Variants in CACNA1I observed in about 807,000 individuals in gnomAD.
CACNA1I encodes the protein voltage-dependent T-type calcium channel subunit alpha-1I.
In CACNA1I, 74 loss-of-function variants were observed where a neutral mutation model predicts 201.6. That is an observed-to-expected ratio of 0.37 (90% CI 0.30 to 0.45). The LOEUF is 0.45. CACNA1I is among the 20% of genes least tolerant of loss of function. The pLI, the probability that CACNA1I is intolerant of heterozygous loss-of-function variation, is 1.00. For missense variants in CACNA1I, 2,346 were observed against 3,138.1 expected, an observed-to-expected ratio of 0.75 and a Z score of 6.03; for synonymous variants, 1,431 against 1,345.2, an observed-to-expected ratio of 1.06 and a Z score of -1.40.
At chr22:39,670,649 G>C (rs1368639109) in intron 25 of CACNA1I, among the ~76,000 whole-genome samples, 154 bp from the exon 26 acceptor site, 1 of 151,990 alleles carries the variant, frequency 6.6e-6, no homozygotes, top group East Asian at 1.9e-4. Context: ...GCTGGGTGGA[G>C]GAGATCTAAC....
chr22:39,610,844 C>G (rs1933367117), intron 3 of CACNA1I, among the ~76,000 whole-genome samples: 1 of 152,190 alleles, frequency 6.6e-6, no homozygotes, highest in Non-Finnish European at 1.5e-5. Flanking sequence ...CCAGTTCAGA[C>G]ACACCTTTCC....
intron 32 of CACNA1I, 44 bp from the exon 33 acceptor site, chr22:39,679,678 G>C: frequency 6.2e-6 from 9 of 1,455,294 alleles, no homozygotes; most frequent in Non-Finnish European, 6.6e-6. Flanking sequence ...CCCGGGACCC[G>C]GCTGATAATC....
chr22:39,670,774 C>T (rs774679987), intron 25 of CACNA1I, 29 bp from the exon 26 acceptor site: 1 of 1,613,242 alleles, frequency 6.2e-7, no homozygotes, highest in Non-Finnish European at 8.5e-7. Context: ...CCTCTGTGGT[C>T]TTTGCCACTC....
At chr22:39,645,147 C>T (rs976742855) in intron 7 of CACNA1I, among the ~76,000 whole-genome samples, 12 of 151,278 alleles carry the variant, frequency 7.9e-5, no homozygotes, top group Middle Eastern at 3.2e-3. Flanking sequence ...CCACCATGCC[C>T]GGCTAATTTT....
chr22:39,682,792 G>T, intron 35 of CACNA1I, 131 bp downstream of exon 35: 1 of 715,598 alleles, frequency 1.4e-6, no homozygotes. Context: ...GAACCAGATG[G>T]ATATCTGACA....
At chr22:39,621,816 C>T (rs926262234) in intron 4 of CACNA1I, among the ~76,000 whole-genome samples, 1 of 152,040 alleles carries the variant, frequency 6.6e-6, no homozygotes. Flanking sequence ...CCCCTTCCCA[C>T]TGCCCTAGGG....
chr22:39,598,520 C>A (rs970103384), intron 2 of CACNA1I, among the ~76,000 whole-genome samples: 1 of 152,124 alleles, frequency 6.6e-6, no homozygotes, highest in South Asian at 2.1e-4. Context: ...TCCTCTCTTC[C>A]CTTTATCTCT....
At position 39,661,188 on chromosome 22, in the gene CACNA1I, G is replaced by C. The variant is rs1172889974; in HGVS notation, c.2779G>C (p.Ala927Pro). Residue 927 changes from alanine to proline, a missense_variant, in exon 16 of 37, where the codon GCT (alanine) becomes CCT (proline). Physicochemically the swap from Ala to Pro is conservative, Grantham distance 27. Around this residue, in one of 13 missense-constraint regions of CACNA1I, gnomAD observed 92 missense variants for 114.5 expected, o/e 0.80. Transcript: ENST00000402142. ...SLPLGGHLGP[A>P]GAAGPAPRLS... ...CCCACTGGGTGGGCACCTAGGTCCT[G>C]CTGGGGCTGCGGGACCTGCCCCCCG... is the stretch of plus-strand genomic sequence containing the variant. The C allele has an allele frequency of 3.1e-6, 5 of 1,612,708 alleles. No individual in the cohort carries two copies. Among genetic ancestry groups the C allele is most frequent in the South Asian group, 2.2e-5 (2 of 90,970 alleles).
intron 32 of CACNA1I, 123 bp from the exon 33 acceptor site, chr22:39,679,599 G>C: frequency 9.2e-7 from 1 of 1,091,100 alleles, no homozygotes; most frequent in Non-Finnish European, 1.3e-6. Context: ...TGTGATGAGG[G>C]GGTCGGTCCC....
Position 39,679,418 on chromosome 22 carries a change from G to T in CACNA1I, c.5367G>T (p.Leu1789Phe). 5 of 1,431,260 alleles carry T rather than the reference G, an allele frequency of 3.5e-6. No individual in the cohort carries two copies. The highest frequency in any genetic ancestry group is 4.5e-6 in the Non-Finnish European group (5 of 1,105,356). 88.7% of individuals were successfully genotyped at this position (1,431,260 alleles called of 1,614,324 possible). ...GCGGGGGCGACACCGAGGGCGGCTT[G>T]TGCCGGCGCTGCTACTCGCCTGCCC... Reference protein sequence around the residue: ...AGGGGDTEGGLCRRCYSPAQE... With the variant: ...AGGGGDTEGGFCRRCYSPAQE... Residue 1789 changes from leucine to phenylalanine, a missense_variant, in exon 32 of 37, where the codon TTG becomes TTT. Leu to Phe is a conservative substitution (Grantham distance 22, BLOSUM62 0). This residue lies in a region of CACNA1I where 441 missense variants were observed against 555.6 expected (regional missense o/e 0.79). Transcript: ENST00000402142.
chr22:39,594,770 C>T (rs5750854), intron 1 of CACNA1I, among the ~76,000 whole-genome samples: 33,418 of 151,938 alleles, frequency 0.22, 3,870 homozygotes, highest in South Asian at 0.29. Context: ...TGCTTGGAGA[C>T]ACTCCTGAGT....
chr22:39,599,618 C>CAAA (rs71197187), intron 2 of CACNA1I, among the ~76,000 whole-genome samples: 2 of 64,316 alleles, frequency 3.1e-5, no homozygotes, highest in Non-Finnish European at 5.6e-5. Flanking sequence ...GACTCCGTCT[C>CAAA]AAAAAAAAAA....
chr22:39,664,217 G>T lies in CACNA1I; in HGVS notation c.3666+58G>T, dbSNP rs1935112701. ...GCCCCAGCTCGGGCCCCTGGCCCTG[G>T]GTCAGCCCCTGCCTCAGCTTGTCAC... On this transcript the variant is annotated intron_variant, in intron 20 of 36. Coordinates refer to ENST00000402142, the MANE Select transcript of CACNA1I (RefSeq NM_021096.4). The T allele has an allele frequency of 6.4e-6, 9 of 1,408,662 alleles. No homozygotes were observed. In the Admixed American group the frequency reaches 1.1e-4, roughly 17 times the overall value. 87.3% of individuals were successfully genotyped at this position (1,408,662 alleles called of 1,614,324 possible).
chr22:39,604,063 C>A (rs566355554), intron 3 of CACNA1I, among the ~76,000 whole-genome samples: 1 of 152,066 alleles, frequency 6.6e-6, no homozygotes, highest in Non-Finnish European at 1.5e-5. Context: ...AATGACATTG[C>A]GAGAAATAGT....
chr22:39,642,204 T>C (rs1250243210), intron 6 of CACNA1I, among the ~76,000 whole-genome samples: 1 of 152,116 alleles, frequency 6.6e-6, no homozygotes, highest in Non-Finnish European at 1.5e-5. Context: ...AGCTGTGTTT[T>C]GGAACCCTCT....
intron 4 of CACNA1I, among the ~76,000 whole-genome samples, chr22:39,623,667 G>A (rs976326143): frequency 6.8e-6 from 1 of 148,106 alleles, no homozygotes; most frequent in African/African-American, 2.5e-5. Flanking sequence ...CTGCGAGGGG[G>A]TATGCCTGTG....
At position 39,646,625 on chromosome 22, in the gene CACNA1I, G is replaced by T; in HGVS notation, c.1206G>T (p.Ser402=). 6.4e-7 allele frequency: 1 copy of T among 1,572,738 alleles called. No homozygotes were observed. Among genetic ancestry groups the T allele is most frequent in the Non-Finnish European group, 8.6e-7 (1 of 1,159,350 alleles). ...TCGTTGTCATAGCGACCCAGTTCTC[G>T]GAGACCAAGCAACGGGAGCACCGGC... The part of the protein sequence containing the change: ...LCLVVIATQF[S]ETKQREHRLM... The change falls in exon 8 of 37, where the codon TCG becomes TCT. Residue 402 remains serine (S), a synonymous_variant. Transcript: ENST00000402142.
intron 3 of CACNA1I, among the ~76,000 whole-genome samples, chr22:39,610,982 G>A (rs559828937): frequency 1.8e-4 from 28 of 152,198 alleles, no homozygotes; most frequent in African/African-American, 6.0e-4. Flanking sequence ...TAGGCCAGAC[G>A]GAGGTGAAGG....
Position 39,634,437 on chromosome 22 carries a change from G to A in CACNA1I, c.581-128G>A, listed in dbSNP as rs1181020045. On this transcript the variant is annotated intron_variant, in intron 4 of 36. Transcript: ENST00000402142. Reference sequence around the variant, plus strand: ...TATCTGGCAGCCACTGAACAGGATGGGAACAGCAAGGAGCCCCTGATAATG... The same window carrying A: ...TATCTGGCAGCCACTGAACAGGATGAGAACAGCAAGGAGCCCCTGATAATG... 2.2e-5 allele frequency: 19 copies of A among 871,576 alleles called. No homozygotes were observed. The East Asian group carries it at 4.3e-4, about 20-fold the overall frequency. 54.0% of individuals were successfully genotyped at this position (871,576 alleles called of 1,614,324 possible).
Sources: gnomAD v4.1 joint callset for allele counts (sites outside exome capture counted in the v4.1 genomes callset) on GRCh38, gnomAD v4.1.1 for gene constraint, gnomAD v4.1.1 regional missense constraint, MANE v1.5 for transcripts, NCBI Gene and HGNC (gene_info 2026-07-23, HGNC 2026-07-21) for gene names.